The following ZFHX4 variants were observed in gnomAD, a reference collection of about 807,000 sequenced individuals.
ZFHX4 encodes the protein zinc finger homeobox 4.
In ZFHX4, 56 loss-of-function variants were observed where a neutral mutation model predicts 267.6. The observed-to-expected ratio is 0.21, with a 90% confidence interval of 0.17 to 0.26. The LOEUF (loss-of-function observed/expected upper bound fraction) is 0.26, where lower values mean the gene tolerates loss of function less well. Among genes scored for constraint, ZFHX4 ranks in the 10% least tolerant of loss-of-function variants. The probability of loss-of-function intolerance (pLI) is 1.00; values close to 1 mark genes in which losing one functional copy is unlikely to be tolerated. For synonymous variants in ZFHX4, 1,778 were observed against 1,665.6 expected (o/e 1.07, Z -1.64); for missense variants, 4,332 against 4,420.0 (o/e 0.98, Z 0.56).
rs560556748 is a variant in ZFHX4, at chr8:76,845,624, A to AT, written c.3511+2860dup. ...TCATTAATAATAACTCAGTACTTTT[A>AT]TTTTTTTATTAAGATTTGCTTTGAG... On this transcript the variant is annotated intron_variant, in intron 6 of 10. Coordinates refer to ENST00000651372, the MANE Select transcript of ZFHX4 (RefSeq NM_024721.5). Among the ~76,000 whole-genome samples the AT allele has an allele frequency of 5.0e-4, 76 of 152,008 alleles. 1 individual carries two copies. Among genetic ancestry groups the AT allele is most frequent in the African/African-American group, 1.8e-3 (74 of 41,548 alleles).
Position 76,863,913 on chromosome 8 carries a change from A to G in ZFHX4, c.10199A>G (p.Lys3400Arg). 6.3e-7 allele frequency: 1 copy of G among 1,588,392 alleles called. No individual in the cohort carries two copies. Among genetic ancestry groups the G allele is most frequent in the East Asian group, 2.3e-5 (1 of 43,826 alleles). Reference protein sequence around the residue: ...FSDTYVVPFVKYEFICRKCQM... With the variant: ...FSDTYVVPFVRYEFICRKCQM... ...GACACTTACGTTGTTCCATTCGTCAAGTATGAGTTTATATGCAGAAAGTGC... is the reference window on the plus strand; with the variant it reads ...GACACTTACGTTGTTCCATTCGTCAGGTATGAGTTTATATGCAGAAAGTGC... The change falls in exon 11 of 11, where the codon AAG becomes AGG. Residue 3400 changes from lysine to arginine, a missense_variant. Coordinates refer to ENST00000651372, the MANE Select transcript of ZFHX4 (RefSeq NM_024721.5).
intron 6 of ZFHX4, among the ~76,000 whole-genome samples, chr8:76,848,704 G>A (rs570623170): frequency 6.6e-6 from 1 of 152,260 alleles, no homozygotes; most frequent in Non-Finnish European, 1.5e-5. Context: ...ATGTGGTAAA[G>A]GCATTCTGAG....
At chr8:76,842,547 T>C in intron 5 of ZFHX4, 108 bp from the exon 6 acceptor site, 1 of 705,156 alleles carries the variant, frequency 1.4e-6, no homozygotes. Flanking sequence ...TATGAATATC[T>C]GCAGATGATT....
intron 10 of ZFHX4, among the ~76,000 whole-genome samples, chr8:76,860,707 C>T (rs1249115940): frequency 6.6e-6 from 1 of 152,058 alleles, no homozygotes; most frequent in Non-Finnish European, 1.5e-5. Context: ...CAAGTAAAGC[C>T]TCCTCCACCT....
At chr8:76,707,117 C>A (rs1003602839) in intron 2 of ZFHX4, among the ~76,000 whole-genome samples, 1 of 152,076 alleles carries the variant, frequency 6.6e-6, no homozygotes, top group Admixed American at 6.6e-5. Flanking sequence ...ATTAATCTAA[C>A]AATAATACCA....
At chr8:76,717,406 C>T (rs1346509929) in intron 3 of ZFHX4, among the ~76,000 whole-genome samples, 4 of 152,120 alleles carry the variant, frequency 2.6e-5, no homozygotes, top group Non-Finnish European at 4.4e-5. Context: ...TCTTGCCTCC[C>T]TGAATCTGGG....
chr8:76,688,077 G>A (rs1198076036), intron 1 of ZFHX4, among the ~76,000 whole-genome samples: 1 of 152,186 alleles, frequency 6.6e-6, no homozygotes, highest in African/African-American at 2.4e-5. Context: ...TATGACAATA[G>A]TGCAGCTAGA....
At chr8:76,844,485 C>T (rs1812315956) in intron 6 of ZFHX4, among the ~76,000 whole-genome samples, 1 of 151,926 alleles carries the variant, frequency 6.6e-6, no homozygotes, top group South Asian at 2.1e-4. Context: ...CTAATTTTAC[C>T]ATTGAGGAAA....
In ZFHX4 at chr8:76,854,170, G is replaced by T. The variant is rs1214712437; in HGVS notation, c.7249G>T (p.Asp2417Tyr). Residue 2417 changes from aspartate (D) to tyrosine (Y), a missense_variant, in exon 10 of 11, where the codon GAC becomes TAC. This residue lies in a region of ZFHX4 where 1,648 missense variants were observed against 1,625.0 expected (regional missense o/e 1.01). Coordinates refer to ENST00000651372, the MANE Select transcript of ZFHX4 (RefSeq NM_024721.5). ...TCCCGCAGAAAAGCCAAAGCAGAGT[G>T]ACCCCTCTCCCCCTTCTCAAGGCAC... ...EYPAEKPKQSDPSPPSQGTKP... is the reference protein window; with the variant it reads ...EYPAEKPKQSYPSPPSQGTKP... The T allele has an allele frequency of 1.3e-6, 2 of 1,592,266 alleles. No individual in the cohort carries two copies. Among genetic ancestry groups the T allele is most frequent in the East Asian group, 4.6e-5 (2 of 43,420 alleles).
At chr8:76,830,325 C>A (rs1811901929) in intron 4 of ZFHX4, among the ~76,000 whole-genome samples, 1 of 152,122 alleles carries the variant, frequency 6.6e-6, no homozygotes, top group African/African-American at 2.4e-5. Flanking sequence ...TAAACTAAGT[C>A]AATGGCATTT....
Position 76,753,755 on chromosome 8 carries a change from G to T in ZFHX4, c.3094-24453G>T, listed in dbSNP as rs148681226. ...TTCTCTCATCTCAGCCTCCTGAGTA[G>T]CTAGGACTAGAGGCATGCAACACCA... On this transcript the variant is annotated intron_variant, in intron 3 of 10. Coordinates refer to ENST00000651372, the MANE Select transcript of ZFHX4 (RefSeq NM_024721.5). Among the ~76,000 whole-genome samples the T allele has an allele frequency of 2.7e-5, 4 of 150,238 alleles. No homozygotes were observed. In the Admixed American group the frequency reaches 2.7e-4, roughly 10 times the overall value.
intron 4 of ZFHX4, among the ~76,000 whole-genome samples, chr8:76,790,701 C>T (rs1056949299): frequency 3.9e-5 from 6 of 152,058 alleles, no homozygotes; most frequent in African/African-American, 9.7e-5. Context: ...ACTTATTGAA[C>T]TACTATCATC....
chr8:76,847,880 T>A (rs1184840787), intron 6 of ZFHX4, among the ~76,000 whole-genome samples: 1 of 152,132 alleles, frequency 6.6e-6, no homozygotes, highest in East Asian at 1.9e-4. Flanking sequence ...TAAATCTTCA[T>A]GCACAGCATA....
intron 1 of ZFHX4, among the ~76,000 whole-genome samples, chr8:76,696,482 G>A (rs1807959959): frequency 1.3e-5 from 2 of 151,948 alleles, no homozygotes; most frequent in Admixed American, 1.3e-4. Context: ...TGTTTGAAAA[G>A]GGATAATATG....
chr8:76,741,679 C>G (rs1320009206), intron 3 of ZFHX4, among the ~76,000 whole-genome samples: 32 of 152,152 alleles, frequency 2.1e-4, no homozygotes, highest in Non-Finnish European at 2.9e-5. Flanking sequence ...CCTGAGCAAT[C>G]TGGAAGGGCT....
At chr8:76,833,632 C>G (rs1811996707) in intron 5 of ZFHX4, 2 of 442,836 alleles carry the variant, frequency 4.5e-6, no homozygotes, top group African/African-American at 4.1e-5. Flanking sequence ...GCAAATTTCC[C>G]CAATACCCTC....
Position 76,851,813 on chromosome 8 carries a change from A to G in ZFHX4, c.4892A>G (p.His1631Arg), listed in dbSNP as rs368851365. 3.7e-6 allele frequency: 6 copies of G among 1,613,868 alleles called. No homozygotes were observed. Among genetic ancestry groups the G allele is most frequent in the Non-Finnish European group, 5.1e-6 (6 of 1,179,876 alleles). ...ARAAKLEPSGHVAGGHSIAAN... is the reference protein window; with the variant it reads ...ARAAKLEPSGRVAGGHSIAAN... The stretch of plus-strand genomic sequence containing the variant: ...GCTGCAAAGCTGGAGCCCAGTGGTC[A>G]TGTGGCTGGTGGGCACAGCATTGCA... The change falls in exon 10 of 11, where the codon CAT becomes CGT. Residue 1631 changes from histidine to arginine, a missense_variant. His to Arg is a conservative substitution (Grantham distance 29). This residue lies in a region of ZFHX4 where 1,371 missense variants were observed against 1,423.1 expected (regional missense o/e 0.96). Coordinates refer to ENST00000651372, the MANE Select transcript of ZFHX4 (RefSeq NM_024721.5).
intron 6 of ZFHX4, among the ~76,000 whole-genome samples, chr8:76,848,297 T>G (rs1462058703): frequency 6.6e-6 from 1 of 152,200 alleles, no homozygotes; most frequent in Non-Finnish European, 1.5e-5. Flanking sequence ...TTGATGTATA[T>G]GAGGCTCCTA....
intron 4 of ZFHX4, among the ~76,000 whole-genome samples, chr8:76,798,516 T>C (rs918960713): frequency 6.6e-6 from 1 of 152,148 alleles, no homozygotes; most frequent in Non-Finnish European, 1.5e-5. Flanking sequence ...GGATAGAATA[T>C]TTTATCTCAG....
Sources: gnomAD v4.1 joint callset for allele counts (sites outside exome capture counted in the v4.1 genomes callset) on GRCh38, gnomAD v4.1.1 for gene constraint, gnomAD v4.1.1 regional missense constraint, MANE v1.5 for transcripts, NCBI Gene and HGNC (gene_info 2026-07-23, HGNC 2026-07-21) for gene names.